Variants in PLEKHH2 observed in about 807,000 individuals in gnomAD.
PLEKHH2 encodes the protein pleckstrin homology domain-containing family H member 2.
PLEKHH2 carries 129 observed loss-of-function variants against 187.9 expected under a neutral mutation model. That is an observed-to-expected ratio of 0.69 (90% CI 0.59 to 0.79). The LOEUF (loss-of-function observed/expected upper bound fraction) is 0.79. PLEKHH2 is among the 30% of genes least tolerant of loss of function. The pLI, the probability that PLEKHH2 is intolerant of heterozygous loss-of-function variation, is 0.00. For synonymous variants in PLEKHH2, 686 were observed against 605.6 expected (o/e 1.13, Z -1.95); for missense variants, 2,076 against 1,751.2 (o/e 1.19, Z -3.31).
chr2:43,645,891 T>C (rs1666160004), intron 2 of PLEKHH2, among the ~76,000 whole-genome samples: 1 of 152,180 alleles, frequency 6.6e-6, no homozygotes, highest in Admixed American at 6.5e-5. Context: ...CCTTTTGGGA[T>C]GGAGATTGGT....
chr2:43,655,403 C>A (rs879492358), intron 2 of PLEKHH2, among the ~76,000 whole-genome samples: 1 of 152,108 alleles, frequency 6.6e-6, no homozygotes, highest in African/African-American at 2.4e-5. Context: ...TGCTGAAAGT[C>A]TTACAATAGC....
At chr2:43,699,517 A>G (rs1011288486) in intron 7 of PLEKHH2, 130 bp from the exon 8 acceptor site, 105 of 1,102,714 alleles carry the variant, frequency 9.5e-5, no homozygotes, top group Non-Finnish European at 1.3e-4. Context: ...AGCTGGGACT[A>G]CAGGTACACA....
At chr2:43,647,191 G>A (rs1194451216) in intron 2 of PLEKHH2, among the ~76,000 whole-genome samples, 1 of 152,162 alleles carries the variant, frequency 6.6e-6, no homozygotes, top group Non-Finnish European at 1.5e-5. Context: ...TCATTTTATA[G>A]ATTAGGAAAC....
intron 7 of PLEKHH2, among the ~76,000 whole-genome samples, chr2:43,698,648 C>T (rs1173369858): frequency 6.6e-6 from 1 of 152,118 alleles, no homozygotes; most frequent in Non-Finnish European, 1.5e-5. Context: ...GATGCTCTTG[C>T]TCATTTGCAA....
intron 1 of PLEKHH2, among the ~76,000 whole-genome samples, chr2:43,643,974 A>G (rs1481507834): frequency 6.6e-6 from 1 of 152,118 alleles, no homozygotes; most frequent in African/African-American, 2.4e-5. Flanking sequence ...TTCCAGATTT[A>G]CTTCATATGG....
intron 24 of PLEKHH2, among the ~76,000 whole-genome samples, chr2:43,748,153 T>A (rs142159635): frequency 8.1e-4 from 124 of 152,352 alleles, no homozygotes; most frequent in African/African-American, 2.7e-3. Context: ...TTGATCTGAA[T>A]AAATGGTGGT....
Position 43,753,104 on chromosome 2 carries a change from G to A in PLEKHH2, c.3654-515G>A, listed in dbSNP as rs576638099. Among the ~76,000 whole-genome samples the A allele has an allele frequency of 2.0e-5, 3 of 152,220 alleles. No individual in the cohort carries two copies. In the South Asian group the frequency reaches 6.2e-4, roughly 32 times the overall value. ...AAGGATCATGAGGGTTTTGAAGACT[G>A]GGTTTATACAGCCCATTGAAATAAA... On this transcript the variant is annotated intron_variant, in intron 24 of 29. Coordinates refer to ENST00000282406, the MANE Select transcript of PLEKHH2 (RefSeq NM_172069.4).
At chr2:43,650,656 T>C (rs1666423046) in intron 2 of PLEKHH2, among the ~76,000 whole-genome samples, 2 of 151,952 alleles carry the variant, frequency 1.3e-5, no homozygotes, top group South Asian at 4.2e-4. Flanking sequence ...TTTTCTTTTT[T>C]TTTTTTTAAG....
chr2:43,697,298 G>C lies in PLEKHH2; in HGVS notation c.630G>C (p.Glu210Asp). ...GTCCTCCTCAAGTAGTAAAATCTGAGGAAATGAGCAAGATATCATCGAAAG... is the reference window on the plus strand; with the variant it reads ...GTCCTCCTCAAGTAGTAAAATCTGACGAAATGAGCAAGATATCATCGAAAG... ...ARSPPQVVKSEEMSKISSKEP... is the reference protein window; with the variant it reads ...ARSPPQVVKSDEMSKISSKEP... Residue 210 changes from glutamate to aspartate, a missense_variant, in exon 7 of 30, where the codon GAG becomes GAC. By Grantham distance (45) the Glu-to-Asp change is conservative. Coordinates refer to ENST00000282406, the MANE Select transcript of PLEKHH2 (RefSeq NM_172069.4). The C allele has an allele frequency of 1.2e-6, 2 of 1,613,656 alleles. No individual in the cohort carries two copies. Among genetic ancestry groups the C allele is most frequent in the Non-Finnish European group, 1.7e-6 (2 of 1,179,794 alleles).
intron 2 of PLEKHH2, chr2:43,675,692 T>A (rs537233454): frequency 3.1e-6 from 5 of 1,613,968 alleles, no homozygotes. Flanking sequence ...AACTTCCAAA[T>A]CACACTTTGA....
chr2:43,735,335 A>G lies in PLEKHH2; in HGVS notation c.2944-3006A>G, dbSNP rs115464893. Among the ~76,000 whole-genome samples the G allele has an allele frequency of 7.1e-3, 1,089 of 152,334 alleles. 12 individuals are homozygous for G. Among genetic ancestry groups the G allele is most frequent in the African/African-American group, 0.025 (1,040 of 41,572 alleles). On this transcript the variant is annotated intron_variant, in intron 19 of 29. Transcript: ENST00000282406. ...ATAAGCCAAGCACAGAAAGACAAAT[A>G]TCTTATGTTTTCACTCATAGGTGGG... is the stretch of plus-strand genomic sequence containing the variant.
chr2:43,752,976 G>GA (rs1672067525), intron 24 of PLEKHH2, among the ~76,000 whole-genome samples: 1 of 152,262 alleles, frequency 6.6e-6, no homozygotes, highest in East Asian at 1.9e-4. Context: ...GATTCCCAGA[G>GA]AAAACTCACC....
chr2:43,694,654 A>G (rs756580893), intron 5 of PLEKHH2, 140 bp downstream of exon 5: 7 of 883,548 alleles, frequency 7.9e-6, no homozygotes, highest in Non-Finnish European at 1.1e-5. Flanking sequence ...TAAATGAGAT[A>G]TAGGTAGCTT....
intron 3 of PLEKHH2, among the ~76,000 whole-genome samples, chr2:43,684,176 CT>C (rs1256465047): frequency 6.6e-6 from 1 of 151,624 alleles, no homozygotes; most frequent in Admixed American, 6.6e-5. Context: ...ACTCCCCTTC[CT>C]TTTCCTTCTT....
At chr2:43,648,763 A>C (rs1666319560) in intron 2 of PLEKHH2, among the ~76,000 whole-genome samples, 1 of 151,618 alleles carries the variant, frequency 6.6e-6, no homozygotes, top group African/African-American at 2.4e-5. Flanking sequence ...TATTTTGGGT[A>C]GAGACGGGGT....
chr2:43,694,999 A>G (rs578230169), intron 5 of PLEKHH2, 144 bp from the exon 6 acceptor site: 1 of 410,414 alleles, frequency 2.4e-6, no homozygotes, highest in East Asian at 4.0e-5. Context: ...TGATAAATTA[A>G]TCTGAGATTT....
chr2:43,668,164 C>G (rs375334683), intron 2 of PLEKHH2, among the ~76,000 whole-genome samples: 215 of 152,144 alleles, frequency 1.4e-3, no homozygotes, highest in African/African-American at 4.9e-3. Context: ...TCCCAAGTAG[C>G]TGGGATTACG....
At position 43,765,730 on chromosome 2, in the gene PLEKHH2, A is replaced by T. The variant is rs1672598960; in HGVS notation, c.*132A>T. On this transcript the variant is annotated 3_prime_UTR_variant, in exon 30 of 30. Coordinates refer to ENST00000282406, the MANE Select transcript of PLEKHH2 (RefSeq NM_172069.4). ...CCAAACCTTAACAATGAAGGGGGTTAGTCTCTTTTATTTGATTCTTAAATA... is the reference window on the plus strand; with the variant it reads ...CCAAACCTTAACAATGAAGGGGGTTTGTCTCTTTTATTTGATTCTTAAATA... 1.3e-6 allele frequency: 1 copy of T among 788,088 alleles called. No individual in the cohort carries two copies. The highest frequency in any genetic ancestry group is 1.9e-6 in the Non-Finnish European group (1 of 528,776). The allele number at this position is 788,088 out of a possible 1,614,324, so 48.8% of individuals were successfully genotyped here.
At chr2:43,649,041 G>A (rs1008403698) in intron 2 of PLEKHH2, among the ~76,000 whole-genome samples, 3 of 152,082 alleles carry the variant, frequency 2.0e-5, no homozygotes, top group Admixed American at 2.0e-4. Flanking sequence ...TTTTAGAAAA[G>A]TTGTTTTGCA....
Sources: allele counts gnomAD v4.1 joint callset (sites outside exome capture counted in the v4.1 genomes callset), GRCh38; gene constraint gnomAD v4.1.1; transcripts MANE v1.5; gene names NCBI Gene and HGNC (gene_info 2026-07-23, HGNC 2026-07-21).